Variants in GAS7 observed in about 807,000 individuals in gnomAD.
GAS7 encodes the protein growth arrest specific 7, also known as growth arrest-specific protein 7.
Under a neutral mutation model 71.1 loss-of-function variants are expected in GAS7, and 28 were observed. The observed-to-expected ratio is 0.39, with a 90% confidence interval of 0.29 to 0.54. GAS7 has a LOEUF of 0.54. Among genes scored for constraint, GAS7 ranks in the 20% least tolerant of loss-of-function variants. The pLI is 0.62. For synonymous variants in GAS7, 258 were observed against 245.8 expected, an observed-to-expected ratio of 1.05 and a Z score of -0.46; for missense variants, 436 against 627.8, an observed-to-expected ratio of 0.69 and a Z score of 3.27.
chr17:9,989,786 A>G (rs1204674197), intron 2 of GAS7, among the ~76,000 whole-genome samples: 1 of 152,214 alleles, frequency 6.6e-6, no homozygotes, highest in Non-Finnish European at 1.5e-5. Context: ...TTACATCGCA[A>G]ATTACCCCCA....
intron 1 of GAS7, among the ~76,000 whole-genome samples, chr17:10,093,404 T>C (rs1877111456): frequency 6.6e-6 from 1 of 152,036 alleles, no homozygotes; most frequent in Non-Finnish European, 1.5e-5. Context: ...ACCCAGTCTC[T>C]ACTAAACATA....
chr17:9,963,628 G>C (rs1445417754), intron 4 of GAS7, among the ~76,000 whole-genome samples: 1 of 152,072 alleles, frequency 6.6e-6, no homozygotes, highest in Non-Finnish European at 1.5e-5. Flanking sequence ...TAGGCTTTGA[G>C]AGGTTGAGGT....
chr17:10,103,765 G>A lies in GAS7; in HGVS notation c.184-83868C>T, dbSNP rs1454831187. Among the ~76,000 whole-genome samples the A allele has an allele frequency of 6.6e-6, 1 of 151,610 alleles. No individual in the cohort carries two copies. On this transcript the variant is annotated intron_variant, in intron 1 of 13. Coordinates refer to ENST00000432992, the MANE Select transcript of GAS7 (RefSeq NM_201433.2). This position sits in a 1 kb window ranked among gnomAD's most constrained non-coding sequence, Gnocchi z 5.5. ...TGCTTGAACCTGGGAGGCAGAGGTT[G>A]CAGTGAGCCAAGATCTCACCATTGC...
intron 1 of GAS7, among the ~76,000 whole-genome samples, chr17:10,167,664 C>CT (rs201634738): frequency 4.6e-5 from 7 of 151,168 alleles, no homozygotes; most frequent in East Asian, 1.9e-4. Flanking sequence ...TCTTTTTTTT[C>CT]TTTTTTTTTC....
chr17:10,023,094 C>G (rs921857508), intron 1 of GAS7, among the ~76,000 whole-genome samples: 11 of 152,220 alleles, frequency 7.2e-5, no homozygotes, highest in Non-Finnish European at 1.6e-4. Context: ...TGGGAGGCAC[C>G]CTGATACTGA....
At chr17:10,137,685 G>A (rs1199071719) in intron 1 of GAS7, among the ~76,000 whole-genome samples, 1 of 151,822 alleles carries the variant, frequency 6.6e-6, no homozygotes, top group Non-Finnish European at 1.5e-5. Context: ...GATTACAGGT[G>A]CATGCCACCA....
intron 2 of GAS7, among the ~76,000 whole-genome samples, chr17:9,982,788 A>C (rs1006843100): frequency 8.5e-6 from 1 of 117,624 alleles, no homozygotes; most frequent in African/African-American, 4.5e-5. Context: ...AAAAAAAGAA[A>C]GAAAGAAAGG....
At chr17:10,153,519 C>CAAAAAAAAAAAA (rs11476862) in intron 1 of GAS7, among the ~76,000 whole-genome samples, 1 of 117,744 alleles carries the variant, frequency 8.5e-6, no homozygotes. Context: ...CTTTGACTCA[C>CAAAAAAAAAAAA]AAAAAAAAAA....
chr17:10,109,468 G>A (rs62066698), intron 1 of GAS7, among the ~76,000 whole-genome samples: 41,557 of 152,174 alleles, frequency 0.27, 5,824 homozygotes, highest in Admixed American at 0.31. Flanking sequence ...GATGAGGAAA[G>A]ATGGGATCTC....
intron 1 of GAS7, among the ~76,000 whole-genome samples, chr17:10,078,362 G>C (rs925225205): frequency 6.6e-6 from 1 of 152,158 alleles, no homozygotes; most frequent in Non-Finnish European, 1.5e-5. Flanking sequence ...AAAGTGGTGG[G>C]ATTACAGGCA....
At chr17:10,038,331 C>T (rs1019595322) in intron 1 of GAS7, among the ~76,000 whole-genome samples, 2 of 152,144 alleles carry the variant, frequency 1.3e-5, no homozygotes, top group African/African-American at 2.4e-5. Flanking sequence ...GCCTGGGCAA[C>T]GGAGCAAGGC....
intron 1 of GAS7, among the ~76,000 whole-genome samples, chr17:10,118,704 CAAAAAAAAAAA>C (rs34461299): frequency 8.6e-5 from 6 of 70,120 alleles, no homozygotes; most frequent in South Asian, 6.3e-4. Flanking sequence ...ACTCTGTCTC[CAAAAAAAAAAA>C]AAAAAAAAAA....
Position 9,914,771 on chromosome 17 carries a change from G to T in GAS7, c.*2457C>A, listed in dbSNP as rs965439670. 4.4e-6 allele frequency: 1 copy of T among 227,472 alleles called. No individual in the cohort carries two copies. The allele number at this position is 227,472 out of a possible 1,614,324, so 14.1% of individuals were successfully genotyped here. A position where few individuals can be genotyped will look rare whatever the true frequency, so the allele number is the denominator to read the frequency against. On this transcript the variant is annotated 3_prime_UTR_variant, in exon 14 of 14. Coordinates refer to ENST00000432992, the MANE Select transcript of GAS7 (RefSeq NM_201433.2). Reference sequence around the variant, plus strand: ...GACATGGAGAATAGAGGAGAGCAGAGGAATGCCCATCTTACATACAACTAG... The same window carrying T: ...GACATGGAGAATAGAGGAGAGCAGATGAATGCCCATCTTACATACAACTAG...
intron 1 of GAS7, among the ~76,000 whole-genome samples, chr17:10,033,468 C>T (rs1290248212): frequency 3.3e-5 from 5 of 152,158 alleles, no homozygotes; most frequent in African/African-American, 1.2e-4. Flanking sequence ...ATTTACCAAG[C>T]GTCCTATTGC....
intron 1 of GAS7, among the ~76,000 whole-genome samples, chr17:10,042,787 C>T (rs553554990): frequency 6.6e-6 from 1 of 152,018 alleles, no homozygotes; most frequent in Non-Finnish European, 1.5e-5. Flanking sequence ...GACTGGAGCC[C>T]GAGGAACATG....
intron 1 of GAS7, among the ~76,000 whole-genome samples, chr17:10,131,324 A>T (rs2073995324): frequency 6.6e-6 from 1 of 152,204 alleles, no homozygotes; most frequent in African/African-American, 2.4e-5. Flanking sequence ...AGAACTTCAA[A>T]GTCTCATGTA....
At chr17:10,171,843 A>C (rs2074337208) in intron 1 of GAS7, among the ~76,000 whole-genome samples, 2 of 152,186 alleles carry the variant, frequency 1.3e-5, no homozygotes, top group Non-Finnish European at 2.9e-5. Flanking sequence ...GAAATCCTGC[A>C]TGAAAGCCCT....
At chr17:9,946,760 ACT>A (rs1289516387) in intron 6 of GAS7, 132 bp downstream of exon 6, 7 of 585,280 alleles carry the variant, frequency 1.2e-5, no homozygotes, top group Non-Finnish European at 2.2e-5. Context: ...ACAGATGCAA[ACT>A]CTAACACCAG....
At chr17:10,096,501 G>A (rs1194662066) in intron 1 of GAS7, among the ~76,000 whole-genome samples, 2 of 152,146 alleles carry the variant, frequency 1.3e-5, no homozygotes, top group Non-Finnish European at 2.9e-5. Context: ...CTGTCACTTG[G>A]GCCTGCATAC....
Sources: gnomAD v4.1 joint callset for allele counts (sites outside exome capture counted in the v4.1 genomes callset) on GRCh38, gnomAD v4.1.1 for gene constraint, Gnocchi (gnomAD v3.1) non-coding constraint, MANE v1.5 for transcripts, NCBI Gene and HGNC (gene_info 2026-07-23, HGNC 2026-07-21) for gene names.